SMYD3: variants seen among roughly 807,000 people sequenced by gnomAD.
SMYD3 encodes the protein SET and MYND domain containing 3.
SMYD3 carries 36 observed loss-of-function variants against 57.7 expected under a neutral mutation model. The observed-to-expected ratio is 0.62, with a 90% CI of 0.48 to 0.82. The LOEUF (loss-of-function observed/expected upper bound fraction) is 0.82. Ranked by LOEUF, SMYD3 falls within the 40% of genes least tolerant of loss-of-function variation. SMYD3 has a pLI of 0.00. For synonymous variants in SMYD3, 211 were observed against 195.0 expected, an observed-to-expected ratio of 1.08 and a Z score of -0.68; for missense variants, 515 against 538.8, an observed-to-expected ratio of 0.96 and a Z score of 0.44.
At chr1:246,303,502 ATAATG>A (rs1034849096) in intron 5 of SMYD3, among the ~76,000 whole-genome samples, 11 of 152,162 alleles carry the variant, frequency 7.2e-5, no homozygotes, top group African/African-American at 2.4e-4. Context: ...AATACCTAAT[ATAATG>A]TAAACACTAT....
chr1:246,369,411 A>G lies in SMYD3; in HGVS notation c.165-14317T>C, dbSNP rs185562670. Among the ~76,000 whole-genome samples, 37 of 152,332 alleles carry G rather than the reference A, an allele frequency of 2.4e-4. No homozygotes were observed. In the East Asian group the frequency reaches 6.2e-3, roughly 25 times the overall value. On this transcript the variant is annotated intron_variant, in intron 1 of 11. Coordinates refer to ENST00000490107, the MANE Select transcript of SMYD3 (RefSeq NM_001167740.2). The stretch of plus-strand genomic sequence containing the variant: ...TTTGGGAAAATTTCAGAATTTTTAA[A>G]AATTGAAGTGATTACACCCACCATC...
In SMYD3 at chr1:246,447,024, G is replaced by A. The variant is rs546965133; in HGVS notation, c.164+60030C>T. Among the ~76,000 whole-genome samples the A allele has an allele frequency of 1.8e-4, 22 of 119,778 alleles. 1 individual carries two copies. The South Asian group carries it at 2.0e-3, about 11-fold the overall frequency. 78.6% of individuals were successfully genotyped at this position (119,778 alleles called of 152,430 possible). A position where few individuals can be genotyped will look rare whatever the true frequency, so the allele number is the denominator to read the frequency against. The stretch of plus-strand genomic sequence containing the variant: ...AGCCTCGGTGACAGAGCCAGACTCC[G>A]TCTCCAAAAAAAAAAAAAAAAAATG... On this transcript the variant is annotated intron_variant, in intron 1 of 11. Coordinates refer to ENST00000490107, the MANE Select transcript of SMYD3 (RefSeq NM_001167740.2).
At chr1:246,307,516 T>C (rs1396923368) in intron 5 of SMYD3, among the ~76,000 whole-genome samples, 2,022 of 121,818 alleles carry the variant, frequency 0.017, no homozygotes, top group East Asian at 0.045. Flanking sequence ...GCCTCCCGGG[T>C]TCACGCCATT....
At chr1:246,047,124 A>AT (rs1276764804) in intron 5 of SMYD3, among the ~76,000 whole-genome samples, 1 of 152,202 alleles carries the variant, frequency 6.6e-6, no homozygotes, top group African/African-American at 2.4e-5. Context: ...ATCCAGTGGT[A>AT]TTTTTTCTTC....
At chr1:246,404,424 C>T (rs1249981706) in intron 1 of SMYD3, among the ~76,000 whole-genome samples, 2 of 152,214 alleles carry the variant, frequency 1.3e-5, no homozygotes, top group South Asian at 2.1e-4. Flanking sequence ...ACTTCACATA[C>T]GGCACCCACC....
intron 1 of SMYD3, among the ~76,000 whole-genome samples, chr1:246,468,892 C>T (rs1413631505): frequency 6.6e-6 from 1 of 152,118 alleles, no homozygotes; most frequent in African/African-American, 2.4e-5. Context: ...AGGAGGATCA[C>T]CTAAGCCAAG....
At chr1:246,126,400 G>A (rs780240418) in intron 5 of SMYD3, among the ~76,000 whole-genome samples, 1 of 152,194 alleles carries the variant, frequency 6.6e-6, no homozygotes, top group Non-Finnish European at 1.5e-5. Flanking sequence ...TTTGAATATA[G>A]AGCCTAACTG....
At chr1:246,004,039 C>T (rs571884371) in intron 5 of SMYD3, among the ~76,000 whole-genome samples, 1 of 56,978 alleles carries the variant, frequency 1.8e-5, no homozygotes, top group South Asian at 4.9e-4. Context: ...TCGGGCACCG[C>T]CACTTACTAA....
intron 5 of SMYD3, among the ~76,000 whole-genome samples, chr1:246,218,960 G>A (rs2063209319): frequency 6.6e-6 from 1 of 152,156 alleles, no homozygotes; most frequent in Admixed American, 6.5e-5. Context: ...TTCCAGGGAT[G>A]TAGATCTCCA....
At chr1:246,494,605 A>T (rs2068327386) in intron 1 of SMYD3, among the ~76,000 whole-genome samples, 1 of 152,270 alleles carries the variant, frequency 6.6e-6, no homozygotes, top group South Asian at 2.1e-4. Context: ...CAAAAATTAA[A>T]CTGCCCAGAG....
chr1:246,297,370 T>C (rs1357328894), intron 5 of SMYD3, among the ~76,000 whole-genome samples: 2 of 152,042 alleles, frequency 1.3e-5, no homozygotes, highest in African/African-American at 4.8e-5. Flanking sequence ...TATTCAACAT[T>C]TAGGATGTAA....
intron 5 of SMYD3, among the ~76,000 whole-genome samples, chr1:246,069,543 T>C (rs79574512): frequency 0.011 from 1,615 of 152,354 alleles, 30 homozygotes; most frequent in African/African-American, 0.036. Context: ...TAAATGCATG[T>C]ATGATTGTTT....
intron 5 of SMYD3, among the ~76,000 whole-genome samples, chr1:246,143,129 ACAC>A (rs2148122845): frequency 5.1e-5 from 3 of 58,464 alleles, no homozygotes; most frequent in Middle Eastern, 9.1e-3. Context: ...TATTTAATAC[ACAC>A]ACACACACAC....
intron 1 of SMYD3, among the ~76,000 whole-genome samples, chr1:246,421,476 C>T (rs944647073): frequency 6.6e-6 from 1 of 151,398 alleles, no homozygotes; most frequent in Admixed American, 6.6e-5. Context: ...AAGAAATAAG[C>T]AAAAAAACAA....
chr1:246,005,512 C>T (rs2059153210), intron 5 of SMYD3, among the ~76,000 whole-genome samples: 1 of 152,176 alleles, frequency 6.6e-6, no homozygotes, highest in South Asian at 2.1e-4. Flanking sequence ...AAGGGCTACC[C>T]ATTAAATTAG....
At chr1:246,049,580 C>T (rs1292186416) in intron 5 of SMYD3, among the ~76,000 whole-genome samples, 1 of 151,928 alleles carries the variant, frequency 6.6e-6, no homozygotes, top group South Asian at 2.1e-4. Context: ...GCTGGGATTA[C>T]AGGCGTGAGC....
intron 1 of SMYD3, among the ~76,000 whole-genome samples, chr1:246,402,623 T>C (rs1322135658): frequency 5.3e-5 from 8 of 152,192 alleles, no homozygotes; most frequent in Non-Finnish European, 1.2e-4. Context: ...TGTGAAGTAA[T>C]AAAGCTTACC....
rs187865838 is a variant in SMYD3 at position 246,429,586 on chromosome 1, G to A, written c.165-74492C>T. ...GGCTATGACTCTATACACAGGCTGA[G>A]AAATGAAACAGCAATCAACCCTGCT... is the stretch of plus-strand genomic sequence containing the variant. On this transcript the variant is annotated intron_variant, in intron 1 of 11. Coordinates refer to ENST00000490107, the MANE Select transcript of SMYD3 (RefSeq NM_001167740.2). Among the ~76,000 whole-genome samples, 47 of 152,312 alleles carry A rather than the reference G, an allele frequency of 3.1e-4. No homozygotes were observed. The East Asian group carries it at 7.7e-3, about 25-fold the overall frequency.
chr1:246,054,958 G>C (rs901220386), intron 5 of SMYD3, among the ~76,000 whole-genome samples: 2 of 150,442 alleles, frequency 1.3e-5, no homozygotes, highest in Admixed American at 1.3e-4. Flanking sequence ...GGCGGATCAC[G>C]AGGTCAGGAG....
Sources: allele counts gnomAD v4.1 joint callset (sites outside exome capture counted in the v4.1 genomes callset), GRCh38; gene constraint gnomAD v4.1.1; transcripts MANE v1.5; gene names NCBI Gene and HGNC (gene_info 2026-07-23, HGNC 2026-07-21).